CENPW: variants seen among roughly 807,000 people sequenced by gnomAD.
CENPW encodes the protein centromere protein W, also known as cancer-up-regulated gene 2 protein.
A neutral mutation model predicts 11.1 loss-of-function variants in CENPW; 3 were observed. The ratio of observed to expected loss-of-function variants is 0.27; its 90% CI spans 0.12 to 0.70. The LOEUF (loss-of-function observed/expected upper bound fraction) is 0.70. Among genes scored for constraint, CENPW ranks in the 30% least tolerant of loss-of-function variants. The pLI is 0.77. For synonymous variants in CENPW, 38 were observed against 42.0 expected (o/e 0.91, Z 0.37); for missense variants, 100 against 105.6 (o/e 0.95, Z 0.23).
At chr6:126,457,453 C>T in the CENPW span, among the ~76,000 whole-genome samples, 20 of 151,300 alleles carry the variant, frequency 1.3e-4, no homozygotes, top group South Asian at 2.1e-4. Flanking sequence ...AACAAACTAA[C>T]GCGGGAGCAG....
chr6:126,426,798 C>T, the CENPW span, among the ~76,000 whole-genome samples: 5 of 152,268 alleles, frequency 3.3e-5, no homozygotes, highest in East Asian at 9.7e-4. Context: ...TTGACCTCCT[C>T]CTTGTCACAC....
At chr6:126,398,508 C>A in the CENPW span, among the ~76,000 whole-genome samples, 9 of 152,110 alleles carry the variant, frequency 5.9e-5, no homozygotes, top group Non-Finnish European at 1.3e-4. Flanking sequence ...TTGCATGTAA[C>A]CTATACACAT....
At chr6:126,476,681 A>G in the CENPW span, among the ~76,000 whole-genome samples, 66 of 151,998 alleles carry the variant, frequency 4.3e-4, no homozygotes. Context: ...TAACACTTAA[A>G]ATATCTCAGT....
At chr6:126,430,049 G>A in the CENPW span, among the ~76,000 whole-genome samples, 1 of 152,316 alleles carries the variant, frequency 6.6e-6, no homozygotes, top group African/African-American at 2.4e-5. Flanking sequence ...TTCTGCCATA[G>A]TATTCTGTGG....
At chr6:126,479,347 C>T in the CENPW span, among the ~76,000 whole-genome samples, 4 of 151,918 alleles carry the variant, frequency 2.6e-5, no homozygotes, top group African/African-American at 9.7e-5. Flanking sequence ...TCAAATTTAC[C>T]TACTTGCTGT....
intron 2 of CENPW, among the ~76,000 whole-genome samples, chr6:126,347,638 T>C (rs1271312368): frequency 6.6e-6 from 1 of 152,096 alleles, no homozygotes; most frequent in Non-Finnish European, 1.5e-5. Flanking sequence ...CTAGGGCCTT[T>C]AAATTATCTT....
chr6:126,398,012 A>G, the CENPW span, among the ~76,000 whole-genome samples: 1 of 152,082 alleles, frequency 6.6e-6, no homozygotes, highest in Non-Finnish European at 1.5e-5. Context: ...TTGGTTCATT[A>G]TATGCCTGCT....
the CENPW span, among the ~76,000 whole-genome samples, chr6:126,414,231 G>T: frequency 2.0e-5 from 3 of 152,050 alleles, no homozygotes; most frequent in Non-Finnish European, 4.4e-5. Context: ...ACTTCAACAT[G>T]CCACTCACAG....
chr6:126,392,221 A>C, the CENPW span, among the ~76,000 whole-genome samples: 1 of 151,794 alleles, frequency 6.6e-6, no homozygotes, highest in African/African-American at 2.4e-5. Context: ...ATTTAATTTT[A>C]TTTGTGGCTA....
chr6:126,357,094 G>T, the CENPW span, among the ~76,000 whole-genome samples: 1 of 152,074 alleles, frequency 6.6e-6, no homozygotes, highest in Non-Finnish European at 1.5e-5. Context: ...TAAGTCTTTA[G>T]TCCATTTTGC....
the CENPW span, among the ~76,000 whole-genome samples, chr6:126,405,880 A>G: frequency 6.6e-6 from 1 of 151,918 alleles, no homozygotes; most frequent in Non-Finnish European, 1.5e-5. Context: ...ATCAATTCTA[A>G]GATTTTTTTG....
chr6:126,361,874 A>G, the CENPW span, among the ~76,000 whole-genome samples: 4 of 152,166 alleles, frequency 2.6e-5, no homozygotes, highest in African/African-American at 7.2e-5. Flanking sequence ...TCCTCTGCTT[A>G]AGTGCCGGCC....
the CENPW span, among the ~76,000 whole-genome samples, chr6:126,381,262 C>G: frequency 1.3e-5 from 2 of 152,086 alleles, no homozygotes; most frequent in African/African-American, 4.8e-5. Flanking sequence ...GTCTTAGGAC[C>G]TTTACTGGCA....
At chr6:126,473,496 C>T in the CENPW span, among the ~76,000 whole-genome samples, 7 of 152,006 alleles carry the variant, frequency 4.6e-5, no homozygotes, top group African/African-American at 7.3e-5. Flanking sequence ...CTTTGGGAGG[C>T]GGAGGCAGGT....
chr6:126,444,119 T>A, the CENPW span, among the ~76,000 whole-genome samples: 25 of 150,574 alleles, frequency 1.7e-4, no homozygotes, highest in African/African-American at 6.1e-4. Flanking sequence ...ATCTTTTTAA[T>A]TTTTTTTTAA....
chr6:126,341,825 C>T (rs185695237), intron 1 of CENPW, among the ~76,000 whole-genome samples: 117 of 152,298 alleles, frequency 7.7e-4, no homozygotes, highest in African/African-American at 2.6e-3. Flanking sequence ...AGTGGAAATT[C>T]CTCAGGTAGT....
the CENPW span, among the ~76,000 whole-genome samples, chr6:126,456,109 ATTG>A: frequency 1.4e-4 from 21 of 151,460 alleles, no homozygotes; most frequent in African/African-American, 5.1e-4. Flanking sequence ...TAGAATCAAT[ATTG>A]TTAAAATGGC....
chr6:126,482,966 A>G, the CENPW span, among the ~76,000 whole-genome samples: 1 of 152,004 alleles, frequency 6.6e-6, no homozygotes, highest in Non-Finnish European at 1.5e-5. Flanking sequence ...CAGTCAATAT[A>G]CAGAGTATAT....
the CENPW span, among the ~76,000 whole-genome samples, chr6:126,474,122 T>C: frequency 6.6e-6 from 1 of 151,090 alleles, no homozygotes; most frequent in African/African-American, 2.4e-5. Flanking sequence ...TGTGTGTATA[T>C]ATATGTATAT....
Sources: allele counts gnomAD v4.1 joint callset (sites outside exome capture counted in the v4.1 genomes callset), GRCh38; gene constraint gnomAD v4.1.1; transcripts MANE v1.5; gene names NCBI Gene and HGNC (gene_info 2026-07-23, HGNC 2026-07-21).